Variants in COX10 observed in about 807,000 individuals in gnomAD.
The protein encoded by COX10 is cytochrome c oxidase assembly factor heme A:farnesyltransferase COX10.
In COX10, 27 loss-of-function variants were observed where a neutral mutation model predicts 37.3. The ratio of observed to expected loss-of-function variants is 0.72; its 90% CI spans 0.53 to 1.00. COX10 has a LOEUF of 1.00. Ranked by LOEUF, COX10 falls within the 50% of genes least tolerant of loss-of-function variation. The pLI is 0.00. For missense variants in COX10, 475 were observed against 563.2 expected (o/e 0.84, Z 1.59); for synonymous variants, 222 against 229.1 (o/e 0.97, Z 0.28).
At chr17:14,101,211 A>G (rs1037517265) in intron 3 of COX10, among the ~76,000 whole-genome samples, 1 of 152,200 alleles carries the variant, frequency 6.6e-6, no homozygotes, top group Non-Finnish European at 1.5e-5. Context: ...GGTAGATGGT[A>G]TCATGCATAC....
At chr17:14,114,355 A>C (rs1010921035) in intron 4 of COX10, among the ~76,000 whole-genome samples, 1 of 152,136 alleles carries the variant, frequency 6.6e-6, no homozygotes, top group East Asian at 1.9e-4. Flanking sequence ...CACTTTAAAC[A>C]TGTCATCCTT....
intron 6 of COX10, among the ~76,000 whole-genome samples, chr17:14,199,540 G>C (rs1186302467): frequency 2.0e-5 from 3 of 152,126 alleles, no homozygotes; most frequent in Non-Finnish European, 4.4e-5. Context: ...TCATGACTCT[G>C]CCTGGAGGGC....
Position 14,207,339 on chromosome 17 carries a change from G to A in COX10, c.*126G>A. The A allele has an allele frequency of 8.0e-7, 1 of 1,248,242 alleles. No homozygotes were observed. Among genetic ancestry groups the A allele is most frequent in the Non-Finnish European group, 1.1e-6 (1 of 938,734 alleles). 77.3% of individuals were successfully genotyped at this position (1,248,242 alleles called of 1,614,324 possible). A position where few individuals can be genotyped will look rare whatever the true frequency, so the allele number is the denominator to read the frequency against. ...ATTATAAACGAATTCGGTGCTCAGT[G>A]ATCACTTGACAGTTTTTTTTTTTTT... On this transcript the variant is annotated 3_prime_UTR_variant, in exon 7 of 7. Coordinates refer to ENST00000261643, the MANE Select transcript of COX10 (RefSeq NM_001303.4).
intron 5 of COX10, among the ~76,000 whole-genome samples, chr17:14,169,917 A>T (rs1000286275): frequency 5.9e-5 from 9 of 152,162 alleles, no homozygotes; most frequent in Non-Finnish European, 1.0e-4. Flanking sequence ...TGCTGTTGTC[A>T]TGGTGAATTC....
intron 4 of COX10, among the ~76,000 whole-genome samples, chr17:14,126,005 C>T (rs545647487): frequency 6.6e-6 from 1 of 152,262 alleles, no homozygotes; most frequent in South Asian, 2.1e-4. Context: ...ACGGAGAACT[C>T]TCTCTGGGAT....
Position 14,102,051 on chromosome 17 carries a change from T to C in COX10, c.500-67T>C. On this transcript the variant is annotated intron_variant, in intron 3 of 6. Transcript: ENST00000261643. ...TATATGAAGGATGGCTTGTTTTTTG[T>C]CGTTCTGGCCTTTACAGTTGGGACT... The C allele has an allele frequency of 1.9e-6, 3 of 1,604,006 alleles. No individual in the cohort carries two copies. The South Asian group carries it at 3.3e-5, about 18-fold the overall frequency.
chr17:14,083,477 T>A (rs542080301), intron 3 of COX10, among the ~76,000 whole-genome samples: 1 of 152,338 alleles, frequency 6.6e-6, no homozygotes, highest in South Asian at 2.1e-4. Context: ...GTGATCACTT[T>A]CATAGAACTA....
intron 6 of COX10, among the ~76,000 whole-genome samples, chr17:14,195,065 T>G (rs1906328009): frequency 6.6e-6 from 1 of 152,220 alleles, no homozygotes; most frequent in South Asian, 2.1e-4. Context: ...AGAATCCCAG[T>G]TAATTGCAGA....
intron 3 of COX10, among the ~76,000 whole-genome samples, chr17:14,078,834 A>T (rs1341984833): frequency 6.6e-6 from 1 of 152,146 alleles, no homozygotes; most frequent in Non-Finnish European, 1.5e-5. Flanking sequence ...GGAATGATCA[A>T]ACTGTTCCTC....
intron 4 of COX10, among the ~76,000 whole-genome samples, chr17:14,147,781 A>G (rs1434309036): frequency 6.9e-6 from 1 of 145,184 alleles, no homozygotes; most frequent in Non-Finnish European, 1.5e-5. Context: ...TAAAAATTAA[A>G]ACAATTTAAA....
intron 4 of COX10, among the ~76,000 whole-genome samples, chr17:14,115,826 A>G (rs1916098316): frequency 1.3e-5 from 2 of 152,162 alleles, no homozygotes; most frequent in African/African-American, 4.8e-5. Flanking sequence ...AATAATGTGT[A>G]CACATGGCCA....
chr17:14,102,270 T>A, intron 4 of COX10, 28 bp downstream of exon 4: 1 of 1,613,250 alleles, frequency 6.2e-7, no homozygotes, highest in Non-Finnish European at 8.5e-7. Flanking sequence ...ATCTAAATTA[T>A]GTTATTGTCA....
intron 4 of COX10, among the ~76,000 whole-genome samples, chr17:14,105,239 A>G (rs1915865693): frequency 6.6e-6 from 1 of 152,210 alleles, no homozygotes; most frequent in African/African-American, 2.4e-5. Context: ...TCTACAAGAT[A>G]CATTTTAATG....
intron 4 of COX10, among the ~76,000 whole-genome samples, chr17:14,143,856 A>G (rs189102990): frequency 6.6e-6 from 1 of 151,982 alleles, no homozygotes; most frequent in East Asian, 1.9e-4. Context: ...TCTCTGTTGT[A>G]TAGAGTCTTG....
At chr17:14,173,478 C>A (rs1905548185) in intron 5 of COX10, among the ~76,000 whole-genome samples, 2 of 152,224 alleles carry the variant, frequency 1.3e-5, no homozygotes, top group Non-Finnish European at 2.9e-5. Context: ...AAGACCATGT[C>A]AGGCAAGATG....
chr17:14,180,746 G>A (rs1026762214), intron 5 of COX10, among the ~76,000 whole-genome samples: 2 of 152,078 alleles, frequency 1.3e-5, no homozygotes, highest in Non-Finnish European at 2.9e-5. Flanking sequence ...ATAATCTAGG[G>A]TCATTTTGCC....
chr17:14,121,260 T>A (rs1916222861), intron 4 of COX10, among the ~76,000 whole-genome samples: 1 of 152,242 alleles, frequency 6.6e-6, no homozygotes, highest in Admixed American at 6.5e-5. Flanking sequence ...TTAAAAATTG[T>A]ATATTTATTC....
At chr17:14,127,158 C>T (rs1029688) in intron 4 of COX10, among the ~76,000 whole-genome samples, 142,623 of 152,226 alleles carry the variant, frequency 0.94, 66,952 homozygotes, top group East Asian at 1. Flanking sequence ...TAAGGAAAGG[C>T]ATAAAGAAAC....
Position 14,122,336 on chromosome 17 carries a change from G to C in COX10, c.624+20094G>C, listed in dbSNP as rs1597509399. 2.0e-5 allele frequency among the ~76,000 whole-genome samples: 3 copies of C among 152,090 alleles called. No homozygotes were observed. The East Asian group carries it at 5.8e-4, about 29-fold the overall frequency. ...TCCTTATGCTTATAAAACACACGAG[G>C]CTGCAAAATCTTCAATGTGCTCTGG... On this transcript the variant is annotated intron_variant, in intron 4 of 6. Coordinates refer to ENST00000261643, the MANE Select transcript of COX10 (RefSeq NM_001303.4).
Sources: allele counts gnomAD v4.1 joint callset (sites outside exome capture counted in the v4.1 genomes callset), GRCh38; gene constraint gnomAD v4.1.1; transcripts MANE v1.5; gene names NCBI Gene and HGNC (gene_info 2026-07-23, HGNC 2026-07-21).